Variants in ECPAS observed in about 807,000 individuals in gnomAD.
The protein encoded by ECPAS is proteasome adapter and scaffold protein ECM29.
In ECPAS, 70 loss-of-function variants were observed where a neutral mutation model predicts 255.1. The ratio of observed to expected loss-of-function variants is 0.27; its 90% confidence interval spans 0.23 to 0.33. The LOEUF (loss-of-function observed/expected upper bound fraction) is 0.33, where lower values mean the gene tolerates loss of function less well. Among genes scored for constraint, ECPAS ranks in the 10% least tolerant of loss-of-function variants. The probability of loss-of-function intolerance (pLI) is 1.00; values close to 1 mark genes in which losing one functional copy is unlikely to be tolerated. For missense variants in ECPAS, 1,817 were observed against 2,206.4 expected (o/e 0.82, Z 3.54); for synonymous variants, 784 against 775.0 (o/e 1.01, Z -0.19).
At chr9:111,385,252 G>A in intron 33 of ECPAS, 85 bp downstream of exon 33, 3 of 726,064 alleles carry the variant, frequency 4.1e-6, no homozygotes, top group Non-Finnish European at 2.2e-6. Context: ...TCTGGAAATG[G>A]AATTTTGACA....
chr9:111,437,765 C>T (rs1188514459), intron 6 of ECPAS, among the ~76,000 whole-genome samples: 2 of 152,144 alleles, frequency 1.3e-5, no homozygotes, highest in African/African-American at 4.8e-5. Context: ...AATTTATCAT[C>T]CCTATTTCAT....
At position 111,381,753 on chromosome 9, in the gene ECPAS, T is replaced by C. The variant is rs549533766; in HGVS notation, c.3803+1458A>G. On this transcript the variant is annotated intron_variant, in intron 35 of 49. Transcript: ENST00000684092. ...CATTTTCACACTTTAAAAATATTAA[T>C]GATTTTTTCATATCAAGTATCCAAA... 2.6e-5 allele frequency among the ~76,000 whole-genome samples: 4 copies of C among 152,342 alleles called. No individual in the cohort carries two copies. The South Asian group carries it at 8.3e-4, about 32-fold the overall frequency.
intron 2 of ECPAS, among the ~76,000 whole-genome samples, chr9:111,465,509 C>T (rs1217885618): frequency 6.6e-6 from 1 of 152,024 alleles, no homozygotes; most frequent in African/African-American, 2.4e-5. Flanking sequence ...CATTGCACTG[C>T]AGCCTGGGCT....
chr9:111,405,860 A>G lies in ECPAS; in HGVS notation c.2652+2711T>C, dbSNP rs538855315. Among the ~76,000 whole-genome samples, 123 of 149,872 alleles carry G rather than the reference A, an allele frequency of 8.2e-4. 2 individuals carry two copies. Among genetic ancestry groups the G allele is most frequent in the Admixed American group, 1.4e-3 (22 of 15,218 alleles). ...TGAGATCTCATCTCACCCTAGTTAG[A>G]ACAGCCATTATCAAGAAGACAGAAA... On this transcript the variant is annotated intron_variant, in intron 24 of 49. Transcript: ENST00000684092.
chr9:111,430,517 CTGA>C (rs761545111), intron 9 of ECPAS, 27 bp downstream of exon 9: 2 of 1,379,386 alleles, frequency 1.4e-6, no homozygotes, highest in South Asian at 2.4e-5. Flanking sequence ...ACTTTTTACG[CTGA>C]TGTGAGAATA....
At chr9:111,379,389 T>C (rs1378470628) in intron 35 of ECPAS, among the ~76,000 whole-genome samples, 4 of 152,238 alleles carry the variant, frequency 2.6e-5, no homozygotes, top group African/African-American at 9.6e-5. Flanking sequence ...ATAAAGTACA[T>C]TAGTTAACTT....
chr9:111,431,988 A>G (rs956926099), intron 8 of ECPAS, among the ~76,000 whole-genome samples: 2 of 152,236 alleles, frequency 1.3e-5, no homozygotes, highest in Non-Finnish European at 2.9e-5. Flanking sequence ...ACACTTTAGT[A>G]AAACAAACTA....
intron 27 of ECPAS, 109 bp from the exon 28 acceptor site, chr9:111,392,991 A>C (rs2098162499): frequency 3.1e-6 from 2 of 642,092 alleles, no homozygotes; most frequent in Non-Finnish European, 5.5e-6. Context: ...ATGATATCAA[A>C]GTAAAGATAT....
chr9:111,381,925 T>C (rs1490613349), intron 35 of ECPAS, among the ~76,000 whole-genome samples: 2 of 152,092 alleles, frequency 1.3e-5, no homozygotes, highest in East Asian at 3.9e-4. Flanking sequence ...TCTTTGATTG[T>C]ATTCCAGTCA....
intron 1 of ECPAS, among the ~76,000 whole-genome samples, chr9:111,480,594 G>A (rs1237831143): frequency 2.0e-5 from 3 of 152,004 alleles, no homozygotes; most frequent in Admixed American, 1.3e-4. Flanking sequence ...CACCACACCT[G>A]GCCAAAAGCA....
At position 111,422,015 on chromosome 9, in the gene ECPAS, T is replaced by C. The variant is rs1042089361; in HGVS notation, c.1361A>G (p.Gln454Arg). 4 of 1,613,676 alleles carry C rather than the reference T, an allele frequency of 2.5e-6. No individual in the cohort carries two copies. In the South Asian group the frequency reaches 3.3e-5, roughly 13 times the overall value. ...KEEPETRLAI[Q>R]EALSMMVGAY... Reference sequence around the variant, plus strand: ...TCCAACCATCATAGATAAAGCTTCTTGAATAGCAAGTCGAGTCTCAGGCTC... The same window carrying C: ...TCCAACCATCATAGATAAAGCTTCTCGAATAGCAAGTCGAGTCTCAGGCTC... The change falls in exon 15 of 50, where the codon CAA (glutamine) becomes CGA (arginine). Residue 454 changes from glutamine to arginine, a missense_variant. Transcript: ENST00000684092.
chr9:111,456,902 G>A (rs964290607), intron 2 of ECPAS, among the ~76,000 whole-genome samples: 2 of 152,182 alleles, frequency 1.3e-5, no homozygotes, highest in African/African-American at 4.8e-5. Context: ...ACTGCATGTA[G>A]AAAGAAAATA....
In ECPAS at chr9:111,416,537, A is replaced by G. The variant is rs370391154; in HGVS notation, c.1684-185T>C. On this transcript the variant is annotated intron_variant, in intron 17 of 49. Transcript: ENST00000684092. ...CATGTCCCTCACACACTAAAAGACA[A>G]GTGTATTGCCCTTTTTCCATGTTTG... Among the ~76,000 whole-genome samples, 43 of 152,308 alleles carry G rather than the reference A, an allele frequency of 2.8e-4. No homozygotes were observed. In the South Asian group the frequency reaches 8.9e-3, roughly 32 times the overall value.
intron 43 of ECPAS, 139 bp downstream of exon 43, chr9:111,371,482 C>T: frequency 1.2e-6 from 1 of 819,944 alleles, no homozygotes. Flanking sequence ...CAAGGTTTAC[C>T]CAAAGCTTCC....
At chr9:111,376,655 C>T in intron 36 of ECPAS, 114 bp from the exon 37 acceptor site, 1 of 780,982 alleles carries the variant, frequency 1.3e-6, no homozygotes, top group Admixed American at 2.3e-5. Context: ...AAAAAATAAT[C>T]CGTAGCTATA....
intron 2 of ECPAS, among the ~76,000 whole-genome samples, chr9:111,453,374 T>TGA (rs1210529866): frequency 1.3e-5 from 2 of 152,160 alleles, no homozygotes; most frequent in East Asian, 3.9e-4. Context: ...TAAGCCAAAA[T>TGA]GTCAATCTAC....
intron 3 of ECPAS, among the ~76,000 whole-genome samples, chr9:111,449,384 TAAG>T (rs747908805): frequency 1.3e-5 from 2 of 152,208 alleles, no homozygotes; most frequent in African/African-American, 2.4e-5. Context: ...AACAGAATAT[TAAG>T]AATAGCATAA....
chr9:111,444,284 A>G (rs1488937929), intron 4 of ECPAS, 94 bp downstream of exon 4: 1 of 797,356 alleles, frequency 1.3e-6, no homozygotes, highest in Non-Finnish European at 2.0e-6. Context: ...GTCTAAGGTG[A>G]AATTCTAAAC....
intron 1 of ECPAS, among the ~76,000 whole-genome samples, chr9:111,477,418 C>A (rs559469647): frequency 1.2e-3 from 178 of 152,104 alleles, no homozygotes; most frequent in African/African-American, 4.1e-3. Flanking sequence ...GCCCTGATTG[C>A]CACATCTTAT....
Sources: gnomAD v4.1 joint callset for allele counts (sites outside exome capture counted in the v4.1 genomes callset) on GRCh38, gnomAD v4.1.1 for gene constraint, MANE v1.5 for transcripts, NCBI Gene and HGNC (gene_info 2026-07-23, HGNC 2026-07-21) for gene names.